The following DMD variants were observed in gnomAD, a reference collection of about 807,000 sequenced individuals.
The protein encoded by DMD is dystrophin, also known as mutant dystrophin.
Under a neutral mutation model 330.1 loss-of-function variants are expected in DMD, and 63 were observed. The ratio of observed to expected loss-of-function variants is 0.19; its 90% CI spans 0.16 to 0.24. The LOEUF (loss-of-function observed/expected upper bound fraction) is 0.24, where lower values mean the gene tolerates loss of function less well. Among genes scored for constraint, DMD ranks in the 10% least tolerant of loss-of-function variants. The pLI, the probability that DMD is intolerant of heterozygous loss-of-function variation, is 1.00. For synonymous variants in DMD, 1,223 were observed against 959.8 expected (o/e 1.27, Z -5.07); for missense variants, 3,344 against 2,684.1 (o/e 1.25, Z -5.43).
chrX:33,043,214 G>A (rs2094328975), intron 1 of DMD, among the ~76,000 whole-genome samples: 2 of 111,787 alleles, frequency 1.8e-5, no homozygotes, highest in South Asian at 7.5e-4. Flanking sequence ...GGCTGCCAGA[G>A]TAACACGGGT....
rs2148584581 is a variant in DMD, at chrX:32,485,090, T to G, written c.2632A>C (p.Asn878His). The G allele has an allele frequency of 8.3e-7, 1 of 1,209,502 alleles. No homozygotes were observed. The highest frequency in any genetic ancestry group is 3.0e-5 in the East Asian group (1 of 33,838). Residue 878 changes from asparagine (N) to histidine (H), a missense_variant, in exon 21 of 79, where the codon AAC becomes CAC. Asn to His is a moderately conservative substitution (Grantham distance 68). Transcript: ENST00000357033. ...SQLKICKDEV[N>H]RLSDLQPQIE... The stretch of plus-strand genomic sequence containing the variant: ...TGAGGTTGAAGATCTGATAGCCGGT[T>G]GACTTCATCCTGTGCCATAGAGTAT...
intron 49 of DMD, among the ~76,000 whole-genome samples, chrX:31,835,388 G>A (rs1282280331): frequency 2.7e-5 from 3 of 111,841 alleles, no homozygotes; most frequent in Non-Finnish European, 3.8e-5. Flanking sequence ...TGCTCTGAGG[G>A]CTGGCTTTCT....
At chrX:32,621,281 A>G (rs761521335) in intron 11 of DMD, among the ~76,000 whole-genome samples, 39 of 111,377 alleles carry the variant, frequency 3.5e-4, no homozygotes, top group African/African-American at 1.2e-3. Context: ...AATCCAGTGC[A>G]GCTTGATCGC....
intron 69 of DMD, among the ~76,000 whole-genome samples, chrX:31,179,560 G>A (rs919351392): frequency 2.7e-5 from 3 of 112,105 alleles, no homozygotes; most frequent in Non-Finnish European, 5.6e-5. Flanking sequence ...AGAAAGAGAA[G>A]AGAAACACGA....
Position 31,332,645 on chromosome X carries a change from T to C in DMD, c.9164-8987A>G, listed in dbSNP as rs1232082561. Among the ~76,000 whole-genome samples, 6 of 111,482 alleles carry C rather than the reference T, an allele frequency of 5.4e-5. No homozygotes were observed. In the Admixed American group the frequency reaches 5.7e-4, roughly 11 times the overall value. The stretch of plus-strand genomic sequence containing the variant: ...CTTTTCTAAGGCTGATAATCCATAA[T>C]AGTTACAAGTATGAACTTGAATATG... On this transcript the variant is annotated intron_variant, in intron 61 of 78. Coordinates refer to ENST00000357033, the MANE Select transcript of DMD (RefSeq NM_004006.3).
At chrX:33,163,594 A>G (rs868259388) in intron 1 of DMD, among the ~76,000 whole-genome samples, 4 of 87,536 alleles carry the variant, frequency 4.6e-5, no homozygotes, top group African/African-American at 1.6e-4. Flanking sequence ...GTATATATCT[A>G]TATCTATATA....
At chrX:31,169,033 G>A (rs1569399797) in intron 74 of DMD, among the ~76,000 whole-genome samples, 1 of 111,703 alleles carries the variant, frequency 9.0e-6, no homozygotes, top group Non-Finnish European at 1.9e-5. Flanking sequence ...TTCCCAATAT[G>A]ACCAAGCCAA....
At chrX:32,682,107 A>G (rs2062470352) in intron 9 of DMD, among the ~76,000 whole-genome samples, 1 of 111,679 alleles carries the variant, frequency 9.0e-6, no homozygotes, top group Admixed American at 9.5e-5. Flanking sequence ...TTTTCTTCCG[A>G]GTGTAAAGTG....
intron 1 of DMD, among the ~76,000 whole-genome samples, chrX:33,021,690 A>G (rs937465819): frequency 2.0e-4 from 22 of 111,976 alleles, no homozygotes; most frequent in African/African-American, 7.1e-4. Context: ...AACAGTGAAT[A>G]AATAAATTTC....
intron 44 of DMD, among the ~76,000 whole-genome samples, chrX:32,122,777 A>T (rs1300382892): frequency 9.0e-6 from 1 of 111,061 alleles, no homozygotes; most frequent in Admixed American, 9.6e-5. Context: ...TATCTAGACA[A>T]ATGAGGCAAA....
chrX:32,992,426 T>C (rs1162244173), intron 2 of DMD, among the ~76,000 whole-genome samples: 2 of 111,463 alleles, frequency 1.8e-5, no homozygotes. Context: ...TTTGATTGTA[T>C]AATCAACTTC....
At chrX:31,246,675 C>T (rs1382889209) in intron 63 of DMD, among the ~76,000 whole-genome samples, 1 of 112,087 alleles carries the variant, frequency 8.9e-6, no homozygotes, top group African/African-American at 3.2e-5. Flanking sequence ...TGCCTGTAAT[C>T]CCAGCACTTT....
At chrX:32,833,067 A>T (rs1171416850) in intron 4 of DMD, among the ~76,000 whole-genome samples, 1 of 111,717 alleles carries the variant, frequency 9.0e-6, no homozygotes, top group East Asian at 2.8e-4. Context: ...TCATTCTTTA[A>T]CTATTTTTGA....
intron 7 of DMD, among the ~76,000 whole-genome samples, chrX:32,721,124 T>A (rs1333447744): frequency 9.0e-6 from 1 of 111,165 alleles, no homozygotes; most frequent in East Asian, 2.8e-4. Context: ...ACTCAGGTTA[T>A]TTTCATATCT....
intron 52 of DMD, among the ~76,000 whole-genome samples, chrX:31,685,234 ATTCAAT>A (rs1056086177): frequency 9.0e-6 from 1 of 111,323 alleles, no homozygotes; most frequent in African/African-American, 3.3e-5. Flanking sequence ...ACCTCTTTCT[ATTCAAT>A]TTCTTTATAT....
intron 62 of DMD, among the ~76,000 whole-genome samples, chrX:31,280,246 G>A (rs942422827): frequency 2.7e-5 from 3 of 111,859 alleles, no homozygotes; most frequent in Non-Finnish European, 5.6e-5. Context: ...TTTATAAGGG[G>A]TATTTAGAAA....
intron 44 of DMD, among the ~76,000 whole-genome samples, chrX:31,996,402 A>G (rs887064154): frequency 9.0e-5 from 10 of 111,506 alleles, no homozygotes; most frequent in Non-Finnish European, 1.9e-4. Context: ...ATTATTCCAA[A>G]CTGCGAGGGA....
chrX:31,861,598 A>AAG (rs1556949885), intron 48 of DMD, among the ~76,000 whole-genome samples: 1 of 105,004 alleles, frequency 9.5e-6, no homozygotes, highest in East Asian at 3.0e-4. Flanking sequence ...AAAAAAAAAA[A>AAG]AGAGACAGTT....
intron 57 of DMD, among the ~76,000 whole-genome samples, chrX:31,487,361 C>T (rs1180729021): frequency 9.1e-6 from 1 of 109,478 alleles, no homozygotes; most frequent in African/African-American, 3.3e-5. Context: ...CCCAGGTTCA[C>T]GCCATTCTCC....
Sources: gnomAD v4.1 joint callset for allele counts (sites outside exome capture counted in the v4.1 genomes callset) on GRCh38, gnomAD v4.1.1 for gene constraint, MANE v1.5 for transcripts, NCBI Gene and HGNC (gene_info 2026-07-23, HGNC 2026-07-21) for gene names.